ROBO2: variants seen among roughly 807,000 people sequenced by gnomAD.
ROBO2 encodes roundabout guidance receptor 2, also known as roundabout homolog 2.
A neutral mutation model predicts 160.8 loss-of-function variants in ROBO2; 53 were observed. The observed-to-expected ratio is 0.33, with a 90% CI of 0.26 to 0.41. ROBO2 has a LOEUF of 0.41. ROBO2 is among the 10% of genes least tolerant of loss of function. ROBO2 has a pLI of 1.00. For missense variants in ROBO2, 1,577 were observed against 1,722.4 expected, an observed-to-expected ratio of 0.92 and a Z score of 1.49; for synonymous variants, 664 against 611.7, an observed-to-expected ratio of 1.09 and a Z score of -1.26.
intron 2 of ROBO2, among the ~76,000 whole-genome samples, chr3:75,997,833 T>C (rs1305207398): frequency 6.6e-6 from 1 of 152,250 alleles, no homozygotes; most frequent in Non-Finnish European, 1.5e-5. Context: ...GACTAAGATA[T>C]GAACATTTTT....
intron 2 of ROBO2, among the ~76,000 whole-genome samples, chr3:76,534,637 G>A (rs908132918): frequency 6.6e-6 from 1 of 152,152 alleles, no homozygotes; most frequent in South Asian, 2.1e-4. Flanking sequence ...AATGCATTAT[G>A]TTGTGCTGGA....
At chr3:76,383,164 AAAAG>A (rs977691541) in intron 2 of ROBO2, among the ~76,000 whole-genome samples, 9 of 152,314 alleles carry the variant, frequency 5.9e-5, no homozygotes, top group South Asian at 2.1e-4. Flanking sequence ...AAATAGAAAA[AAAAG>A]AGAATTTTAA....
At chr3:77,006,239 T>C (rs1010862426) in intron 2 of ROBO2, among the ~76,000 whole-genome samples, 1 of 151,702 alleles carries the variant, frequency 6.6e-6, no homozygotes, top group African/African-American at 2.4e-5. Flanking sequence ...AATAGGAATA[T>C]AGAAATCAAA....
At chr3:77,109,123 A>G (rs1264981544) in intron 2 of ROBO2, among the ~76,000 whole-genome samples, 3 of 152,200 alleles carry the variant, frequency 2.0e-5, no homozygotes, top group Non-Finnish European at 4.4e-5. Context: ...GAAATTTAAA[A>G]AACGCATCTG....
At chr3:76,248,831 TC>T (rs1440652469) in intron 2 of ROBO2, among the ~76,000 whole-genome samples, 1 of 152,044 alleles carries the variant, frequency 6.6e-6, no homozygotes, top group Admixed American at 6.6e-5. Context: ...ACCTCTAAAC[TC>T]CATGAAAAGA....
chr3:76,998,659 A>G (rs1266705117), intron 2 of ROBO2, among the ~76,000 whole-genome samples: 2 of 152,188 alleles, frequency 1.3e-5, no homozygotes, highest in African/African-American at 4.8e-5. Context: ...TTATACAGGT[A>G]ATTGAGTACA....
At chr3:77,581,232 T>C (rs2093910422) in intron 16 of ROBO2, among the ~76,000 whole-genome samples, 1 of 152,280 alleles carries the variant, frequency 6.6e-6, no homozygotes, top group Admixed American at 6.5e-5. Flanking sequence ...CTTTTCCATG[T>C]ATATGTGTTA....
At position 76,891,819 on chromosome 3, in the gene ROBO2, T is replaced by G. The variant is rs999599237; in HGVS notation, c.110-206195T>G. Among the ~76,000 whole-genome samples the G allele has an allele frequency of 6.6e-5, 10 of 152,180 alleles. 1 individual carries two copies. The highest frequency in any genetic ancestry group is 5.9e-4 in the Admixed American group (9 of 15,268). ...CCTAAGAGGGTATCAGTGGAAGTAG[T>G]AGACTAAAAAGAAATAGCAATTTTA... On this transcript the variant is annotated intron_variant, in intron 2 of 26. Transcript: ENST00000487694.
chr3:77,252,619 A>C (rs1185704457), intron 2 of ROBO2, among the ~76,000 whole-genome samples: 1 of 151,070 alleles, frequency 6.6e-6, no homozygotes, highest in Non-Finnish European at 1.5e-5. Flanking sequence ...CATCCTGGCT[A>C]ACACGGTGAA....
chr3:77,393,653 C>A (rs1245608385), intron 2 of ROBO2, among the ~76,000 whole-genome samples: 1 of 150,014 alleles, frequency 6.7e-6, no homozygotes, highest in Non-Finnish European at 1.5e-5. Context: ...TTTGCAAAGA[C>A]AACTTCACAT....
intron 19 of ROBO2, among the ~76,000 whole-genome samples, chr3:77,601,133 A>G (rs956906706): frequency 6.6e-6 from 1 of 152,166 alleles, no homozygotes; most frequent in African/African-American, 2.4e-5. Flanking sequence ...TAATATTTCT[A>G]TAAGAATTTT....
intron 2 of ROBO2, among the ~76,000 whole-genome samples, chr3:76,330,751 C>A (rs1402031616): frequency 6.6e-6 from 1 of 152,016 alleles, no homozygotes; most frequent in Admixed American, 6.6e-5. Flanking sequence ...ATGAAAATAC[C>A]AAATGTCTTT....
chr3:76,524,893 A>G (rs2081865060), intron 2 of ROBO2, among the ~76,000 whole-genome samples: 1 of 141,310 alleles, frequency 7.1e-6, no homozygotes, highest in African/African-American at 2.6e-5. Flanking sequence ...CATCAAATAA[A>G]TGATTTCTAC....
chr3:76,944,839 C>T (rs564795421), intron 2 of ROBO2, among the ~76,000 whole-genome samples: 1 of 151,750 alleles, frequency 6.6e-6, no homozygotes, highest in South Asian at 2.1e-4. Flanking sequence ...ATTCTTTAAC[C>T]TTCCTGCCAG....
intron 2 of ROBO2, among the ~76,000 whole-genome samples, chr3:76,667,066 T>C (rs2092078202): frequency 6.6e-6 from 1 of 152,168 alleles, no homozygotes; most frequent in African/African-American, 2.4e-5. Context: ...GGATGTTTTA[T>C]GGTGGCAACA....
chr3:76,613,018 T>G (rs1192117623), intron 2 of ROBO2, among the ~76,000 whole-genome samples: 1 of 152,124 alleles, frequency 6.6e-6, no homozygotes. Context: ...TCGGTCTTGT[T>G]TTTTTCTTCA....
chr3:76,674,288 T>C (rs1424430089), intron 2 of ROBO2, among the ~76,000 whole-genome samples: 1 of 152,114 alleles, frequency 6.6e-6, no homozygotes, highest in Non-Finnish European at 1.5e-5. Flanking sequence ...TTTGCCTTTC[T>C]TAAAATTGCA....
At chr3:76,547,440 A>C (rs1450281490) in intron 2 of ROBO2, among the ~76,000 whole-genome samples, 3 of 152,004 alleles carry the variant, frequency 2.0e-5, no homozygotes, top group African/African-American at 7.2e-5. Context: ...TAATGGATTT[A>C]TGTCTAGGTG....
intron 2 of ROBO2, among the ~76,000 whole-genome samples, chr3:77,470,173 G>A (rs1241306284): frequency 6.6e-6 from 1 of 152,054 alleles, no homozygotes; most frequent in Non-Finnish European, 1.5e-5. Context: ...GCAGGGACCT[G>A]GTTCCAAACA....
Sources: allele counts gnomAD v4.1 joint callset (sites outside exome capture counted in the v4.1 genomes callset), GRCh38; gene constraint gnomAD v4.1.1; transcripts MANE v1.5; gene names NCBI Gene and HGNC (gene_info 2026-07-23, HGNC 2026-07-21).